MMP16: variants seen among roughly 807,000 people sequenced by gnomAD.
The protein encoded by MMP16 is matrix metallopeptidase 16.
Under a neutral mutation model 67.8 loss-of-function variants are expected in MMP16, and 12 were observed. That is an observed-to-expected ratio of 0.18 (90% CI 0.11 to 0.29). MMP16 has a LOEUF of 0.29. Among genes scored for constraint, MMP16 ranks in the 10% least tolerant of loss-of-function variants. MMP16 has a pLI of 1.00. For missense variants in MMP16, 475 were observed against 765.7 expected, an observed-to-expected ratio of 0.62 and a Z score of 4.48; for synonymous variants, 249 against 255.9, an observed-to-expected ratio of 0.97 and a Z score of 0.26.
chr8:88,231,220 T>C (rs1809854496), intron 1 of MMP16, among the ~76,000 whole-genome samples: 1 of 152,030 alleles, frequency 6.6e-6, no homozygotes, highest in Admixed American at 6.6e-5. Flanking sequence ...CCAGAAAGAG[T>C]GAAGAGATTC....
chr8:88,070,833 A>C (rs561615615), intron 7 of MMP16, among the ~76,000 whole-genome samples: 2 of 152,076 alleles, frequency 1.3e-5, no homozygotes, highest in Non-Finnish European at 2.9e-5. Flanking sequence ...ATCATTTTTT[A>C]ATATAATTTG....
chr8:88,294,357 T>G (rs1347070175), intron 1 of MMP16, among the ~76,000 whole-genome samples: 1 of 151,242 alleles, frequency 6.6e-6, no homozygotes, highest in African/African-American at 2.4e-5. Flanking sequence ...TGTATATGTA[T>G]ATATGTAGAT....
intron 7 of MMP16, chr8:88,069,218 A>T (rs1441512281): frequency 3.3e-6 from 1 of 301,380 alleles, no homozygotes. Context: ...CCAGCTATTT[A>T]GGCCTCTTTA....
At chr8:88,169,601 T>C (rs922327615) in intron 3 of MMP16, among the ~76,000 whole-genome samples, 17 of 152,184 alleles carry the variant, frequency 1.1e-4, no homozygotes, top group Non-Finnish European at 1.6e-4. Flanking sequence ...ATATTTACAT[T>C]GATTATTTGG....
chr8:88,294,381 TACAC>T, intron 1 of MMP16, among the ~76,000 whole-genome samples: 1 of 151,026 alleles, frequency 6.6e-6, no homozygotes, highest in East Asian at 1.9e-4. Flanking sequence ...CACACATCTA[TACAC>T]ACATATATAC....
chr8:88,191,048 G>A (rs1809161997), intron 2 of MMP16, among the ~76,000 whole-genome samples: 1 of 152,064 alleles, frequency 6.6e-6, no homozygotes, highest in Non-Finnish European at 1.5e-5. Flanking sequence ...ACGTAATACT[G>A]ATTTTTAATA....
At chr8:88,116,417 G>T in intron 6 of MMP16, 90 bp downstream of exon 6, 1 of 1,096,222 alleles carries the variant, frequency 9.1e-7, no homozygotes, top group Non-Finnish European at 1.3e-6. Flanking sequence ...GGGCTGGGAA[G>T]GTAGTGTTAG....
At chr8:88,273,766 C>T (rs1248060962) in intron 1 of MMP16, among the ~76,000 whole-genome samples, 2 of 151,974 alleles carry the variant, frequency 1.3e-5, no homozygotes, top group Admixed American at 6.6e-5. Flanking sequence ...AATACAATTT[C>T]CCCTTAATAA....
chr8:88,213,091 A>G (rs769425082), intron 1 of MMP16, among the ~76,000 whole-genome samples: 3 of 152,168 alleles, frequency 2.0e-5, no homozygotes, highest in Non-Finnish European at 4.4e-5. Context: ...ATTTTAAAAG[A>G]TGGCCTAAAA....
intron 1 of MMP16, among the ~76,000 whole-genome samples, chr8:88,210,453 T>G (rs1255888759): frequency 6.6e-6 from 1 of 152,192 alleles, no homozygotes; most frequent in Non-Finnish European, 1.5e-5. Flanking sequence ...TAATGCCCAG[T>G]TGATAACACA....
intron 1 of MMP16, among the ~76,000 whole-genome samples, chr8:88,208,170 T>C (rs1009618305): frequency 1.3e-5 from 1 of 74,748 alleles, no homozygotes; most frequent in Non-Finnish European, 2.7e-5. Context: ...AGAACATTCA[T>C]GAGTAAGGAA....
chr8:88,062,404 A>T (rs1408829552), intron 7 of MMP16, among the ~76,000 whole-genome samples: 1 of 152,104 alleles, frequency 6.6e-6, no homozygotes, highest in East Asian at 1.9e-4. Context: ...CTTGGAACCA[A>T]CCCAAATGTC....
At chr8:88,101,337 C>T (rs1391106539) in intron 6 of MMP16, among the ~76,000 whole-genome samples, 2 of 151,810 alleles carry the variant, frequency 1.3e-5, no homozygotes, top group Non-Finnish European at 2.9e-5. Flanking sequence ...TACATTCCTC[C>T]ACATACTAAT....
chr8:88,271,827 CAT>C (rs1044280316), intron 1 of MMP16, among the ~76,000 whole-genome samples: 5 of 152,174 alleles, frequency 3.3e-5, no homozygotes, highest in African/African-American at 1.2e-4. Flanking sequence ...AAAACAAACA[CAT>C]GAGAACTTGG....
chr8:88,133,514 C>T (rs982493299), intron 4 of MMP16, among the ~76,000 whole-genome samples: 8 of 151,754 alleles, frequency 5.3e-5, no homozygotes, highest in African/African-American at 1.9e-4. Flanking sequence ...TTGTTTATAT[C>T]TGAAGAATAT....
intron 3 of MMP16, among the ~76,000 whole-genome samples, chr8:88,185,528 G>A (rs757483826): frequency 5.9e-5 from 9 of 152,002 alleles, no homozygotes; most frequent in Non-Finnish European, 1.2e-4. Flanking sequence ...ATATATTGAG[G>A]CTTTCATTTT....
chr8:88,047,689 A>G (rs907137408), intron 8 of MMP16, among the ~76,000 whole-genome samples: 14 of 152,198 alleles, frequency 9.2e-5, no homozygotes, highest in African/African-American at 3.4e-4. Flanking sequence ...TGAGAGTAAG[A>G]ACCAGAACCT....
chr8:88,295,021 A>T (rs1461654499), intron 1 of MMP16, among the ~76,000 whole-genome samples: 1 of 152,176 alleles, frequency 6.6e-6, no homozygotes, highest in Non-Finnish European at 1.5e-5. Flanking sequence ...CATGGACCTG[A>T]CATTTCAATA....
At chr8:88,043,736 C>G (rs1013469809) in intron 9 of MMP16, among the ~76,000 whole-genome samples, 1 of 152,160 alleles carries the variant, frequency 6.6e-6, no homozygotes, top group East Asian at 1.9e-4. Context: ...ATGAGAGCAA[C>G]TTGCCAAGTG....
Sources: gnomAD v4.1 joint callset for allele counts (sites outside exome capture counted in the v4.1 genomes callset) on GRCh38, gnomAD v4.1.1 for gene constraint, MANE v1.5 for transcripts, NCBI Gene and HGNC (gene_info 2026-07-23, HGNC 2026-07-21) for gene names.